The following CACNA2D3 variants were observed in gnomAD, a reference collection of about 807,000 sequenced individuals.
CACNA2D3 encodes calcium voltage-gated channel auxiliary subunit alpha2delta 3, also known as voltage-dependent calcium channel subunit alpha-2/delta-3.
A neutral mutation model predicts 160.6 loss-of-function variants in CACNA2D3; 60 were observed. The observed-to-expected ratio is 0.37, with a 90% CI of 0.30 to 0.46. The LOEUF (loss-of-function observed/expected upper bound fraction) is 0.46, where lower values mean the gene tolerates loss of function less well. CACNA2D3 is among the 20% of genes least tolerant of loss of function. The pLI, the probability that CACNA2D3 is intolerant of heterozygous loss-of-function variation, is 1.00. For missense variants in CACNA2D3, 1,205 were observed against 1,365.0 expected, an observed-to-expected ratio of 0.88 and a Z score of 1.85; for synonymous variants, 558 against 492.9, an observed-to-expected ratio of 1.13 and a Z score of -1.75.
chr3:54,365,439 AGATGG>A (rs1698812150), intron 3 of CACNA2D3, among the ~76,000 whole-genome samples: 1 of 152,330 alleles, frequency 6.6e-6, no homozygotes, highest in South Asian at 2.1e-4. Context: ...TGCGTGATGG[AGATGG>A]GGCACCACTG....
intron 2 of CACNA2D3, among the ~76,000 whole-genome samples, chr3:54,301,784 G>A (rs1295494359): frequency 6.6e-6 from 1 of 152,126 alleles, no homozygotes. Flanking sequence ...CTGGGAGGGA[G>A]GAGGAAGAGA....
At chr3:54,287,341 A>C (rs1703058816) in intron 2 of CACNA2D3, among the ~76,000 whole-genome samples, 1 of 152,170 alleles carries the variant, frequency 6.6e-6, no homozygotes, top group African/African-American at 2.4e-5. Context: ...GCCATTACCT[A>C]ATGGTAAAGG....
chr3:54,375,948 G>A (rs1699004981), intron 3 of CACNA2D3, among the ~76,000 whole-genome samples: 1 of 152,146 alleles, frequency 6.6e-6, no homozygotes, highest in Non-Finnish European at 1.5e-5. Flanking sequence ...TAAGGTATTT[G>A]TGGAATAAAT....
At chr3:54,209,787 G>A (rs551249123) in intron 2 of CACNA2D3, among the ~76,000 whole-genome samples, 105 of 152,302 alleles carry the variant, frequency 6.9e-4, no homozygotes, top group African/African-American at 2.4e-3. Context: ...GTCTAGAAAC[G>A]TCTTTGATCT....
At chr3:54,879,523 A>G (rs1699742797) in intron 20 of CACNA2D3, 112 bp downstream of exon 20, 1 of 774,204 alleles carries the variant, frequency 1.3e-6, no homozygotes, top group Non-Finnish European at 2.1e-6. Context: ...ACACCCTGCC[A>G]AAAGGCTGGA....
intron 13 of CACNA2D3, among the ~76,000 whole-genome samples, chr3:54,773,856 A>G (rs962122105): frequency 2.0e-5 from 3 of 152,214 alleles, no homozygotes; most frequent in Non-Finnish European, 2.9e-5. Flanking sequence ...AAGATGTCCT[A>G]AAACTCTATA....
intron 2 of CACNA2D3, among the ~76,000 whole-genome samples, chr3:54,230,690 A>G (rs1179305954): frequency 2.0e-5 from 3 of 152,238 alleles, no homozygotes; most frequent in South Asian, 4.1e-4. Flanking sequence ...TTCAGGCCAC[A>G]TGTTACCTCC....
intron 2 of CACNA2D3, among the ~76,000 whole-genome samples, chr3:54,265,565 G>GTATA (rs67570750): frequency 0.04 from 5,574 of 139,498 alleles, 377 homozygotes; most frequent in African/African-American, 0.13. Flanking sequence ...TGTATAGTGT[G>GTATA]TATATATATA....
intron 14 of CACNA2D3, among the ~76,000 whole-genome samples, chr3:54,822,790 C>CTTTCTTTCTTTCTTTCTTTCTTTT (rs1491160047): frequency 1.4e-5 from 1 of 71,908 alleles, no homozygotes; most frequent in African/African-American, 5.8e-5. Flanking sequence ...TTCTTTCTTT[C>CTTTCTTTCTTTCTTTCTTTCTTTT]CTTTCTTTCT....
chr3:54,849,625 G>T (rs1362193442), intron 17 of CACNA2D3, among the ~76,000 whole-genome samples: 1 of 152,146 alleles, frequency 6.6e-6, no homozygotes, highest in Non-Finnish European at 1.5e-5. Context: ...GCTAGCTCAG[G>T]CAGGGAACCC....
At chr3:54,742,730 T>A (rs17749305) in intron 11 of CACNA2D3, among the ~76,000 whole-genome samples, 11,767 of 152,306 alleles carry the variant, frequency 0.077, 612 homozygotes, top group Middle Eastern at 0.16. Context: ...CAGGCAGTTA[T>A]TTAAAATACA....
At chr3:54,415,123 C>T (rs1414282613) in intron 4 of CACNA2D3, among the ~76,000 whole-genome samples, 2 of 152,082 alleles carry the variant, frequency 1.3e-5, no homozygotes, top group Non-Finnish European at 2.9e-5. Flanking sequence ...TATTCAGAGT[C>T]CCACAGTACA....
At chr3:55,055,983 A>G (rs1704351054) in intron 35 of CACNA2D3, among the ~76,000 whole-genome samples, 1 of 152,186 alleles carries the variant, frequency 6.6e-6, no homozygotes, top group African/African-American at 2.4e-5. Flanking sequence ...TTAACAGCAA[A>G]GGAAACAATT....
intron 13 of CACNA2D3, among the ~76,000 whole-genome samples, chr3:54,786,984 A>G (rs189485603): frequency 7.2e-4 from 109 of 152,324 alleles, no homozygotes; most frequent in African/African-American, 2.5e-3. Flanking sequence ...TATGGAAGCC[A>G]TTGTTATTTG....
intron 4 of CACNA2D3, among the ~76,000 whole-genome samples, chr3:54,387,297 G>A (rs1272327631): frequency 6.6e-6 from 1 of 152,200 alleles, no homozygotes; most frequent in South Asian, 2.1e-4. Context: ...TGATAGAGAA[G>A]GATTTTGATG....
At chr3:54,573,453 A>C (rs1403898499) in intron 8 of CACNA2D3, among the ~76,000 whole-genome samples, 2 of 152,248 alleles carry the variant, frequency 1.3e-5, no homozygotes, top group African/African-American at 4.8e-5. Context: ...TGTGTATATG[A>C]GCACACAGTC....
At chr3:54,157,145 G>A (rs1325366792) in intron 2 of CACNA2D3, among the ~76,000 whole-genome samples, 1 of 152,152 alleles carries the variant, frequency 6.6e-6, no homozygotes, top group Non-Finnish European at 1.5e-5. Context: ...CCACCTTTTT[G>A]TGTCCTCACA....
At chr3:54,793,654 T>A (rs186118437) in intron 13 of CACNA2D3, among the ~76,000 whole-genome samples, 2 of 152,314 alleles carry the variant, frequency 1.3e-5, no homozygotes, top group Admixed American at 6.5e-5. Context: ...CCCACGTAAC[T>A]CCCTTTGTCT....
chr3:54,489,603 C>G (rs1394934808), intron 4 of CACNA2D3, among the ~76,000 whole-genome samples: 1 of 152,202 alleles, frequency 6.6e-6, no homozygotes, highest in African/African-American at 2.4e-5. Flanking sequence ...AGATGCGGAG[C>G]TGAGAGGCTG....
Sources: gnomAD v4.1 joint callset for allele counts (sites outside exome capture counted in the v4.1 genomes callset) on GRCh38, gnomAD v4.1.1 for gene constraint, MANE v1.5 for transcripts, NCBI Gene and HGNC (gene_info 2026-07-23, HGNC 2026-07-21) for gene names.